The following APLP2 variants were observed in gnomAD, a reference collection of about 807,000 sequenced individuals.
APLP2 encodes amyloid beta precursor like protein 2.
Under a neutral mutation model 89.9 loss-of-function variants are expected in APLP2, and 53 were observed. That is an observed-to-expected ratio of 0.59 (90% CI 0.47 to 0.74). The LOEUF (loss-of-function observed/expected upper bound fraction) is 0.74, where lower values mean the gene tolerates loss of function less well. APLP2 is among the 30% of genes least tolerant of loss of function. APLP2 has a pLI of 0.00. For synonymous variants in APLP2, 372 were observed against 348.6 expected (o/e 1.07, Z -0.75); for missense variants, 973 against 975.9 (o/e 1.00, Z 0.04).
At chr11:130,113,651 G>A (rs997368798) in intron 3 of APLP2, among the ~76,000 whole-genome samples, 5 of 151,990 alleles carry the variant, frequency 3.3e-5, no homozygotes, top group African/African-American at 1.2e-4. Context: ...TGCCCCTTCC[G>A]CTGTCACCTC....
intron 3 of APLP2, among the ~76,000 whole-genome samples, chr11:130,111,673 A>G (rs1332556343): frequency 6.6e-6 from 1 of 152,138 alleles, no homozygotes; most frequent in Non-Finnish European, 1.5e-5. Context: ...GAGGAGCAAG[A>G]GGGGCGTCAT....
chr11:130,091,241 C>G (rs1259016049), intron 1 of APLP2, among the ~76,000 whole-genome samples: 1 of 135,784 alleles, frequency 7.4e-6, no homozygotes, highest in African/African-American at 2.9e-5. Flanking sequence ...ACCTCCCTCC[C>G]GCACGGGGCG....
At position 130,123,546 on chromosome 11, in the gene APLP2, G is replaced by A. The variant is rs959303108; in HGVS notation, c.923-66G>A. 6 of 1,529,548 alleles carry A rather than the reference G, an allele frequency of 3.9e-6. No homozygotes were observed. Among genetic ancestry groups the A allele is most frequent in the Middle Eastern group, 2.3e-4 (1 of 4,392 alleles). 94.7% of individuals were successfully genotyped at this position (1,529,548 alleles called of 1,614,324 possible). On this transcript the variant is annotated intron_variant, in intron 6 of 16. Transcript: ENST00000338167. The surrounding 1 kb of genome is among the most constrained non-coding windows in gnomAD (Gnocchi z 4.0). ...AGCCCATCCCCCAGCTCGCCAGCCTGTAGCATTTTGAAGCATTTGACGTCA... is the reference window on the plus strand; with the variant it reads ...AGCCCATCCCCCAGCTCGCCAGCCTATAGCATTTTGAAGCATTTGACGTCA...
Position 130,094,754 on chromosome 11 carries a change from G to C in APLP2, c.106-14675G>C, listed in dbSNP as rs527785275. Among the ~76,000 whole-genome samples, 7 of 152,314 alleles carry C rather than the reference G, an allele frequency of 4.6e-5. No individual in the cohort carries two copies. The East Asian group carries it at 1.3e-3, about 29-fold the overall frequency. ...GGAGCACTGTGAGCCACTAAAACAG[G>C]AAGTTGAGAAAGAGGGAAGTACTGA... On this transcript the variant is annotated intron_variant, in intron 1 of 16. Coordinates refer to ENST00000338167, the MANE Select transcript of APLP2 (RefSeq NM_001142276.2).
chr11:130,095,958 G>A, intron 1 of APLP2, among the ~76,000 whole-genome samples: 1 of 151,092 alleles, frequency 6.6e-6, no homozygotes, highest in East Asian at 1.9e-4. Flanking sequence ...CCTTGACGAA[G>A]TCACATTCTA....
chr11:130,078,623 T>G (rs1942564170), intron 1 of APLP2, among the ~76,000 whole-genome samples: 1 of 152,158 alleles, frequency 6.6e-6, no homozygotes, highest in African/African-American at 2.4e-5. Context: ...GAGCTATAAT[T>G]TATCTGGATT....
At position 130,118,232 on chromosome 11, in the gene APLP2, A is replaced by G. The variant is rs911528534; in HGVS notation, c.404-2474A>G. On this transcript the variant is annotated intron_variant, in intron 3 of 16. Coordinates refer to ENST00000338167, the MANE Select transcript of APLP2 (RefSeq NM_001142276.2). ...CTGTTGCTTAAATATACATTGCTTT[A>G]TGAGTATGGTTGAATAGTTCGTATA... is the stretch of plus-strand genomic sequence containing the variant. Among the ~76,000 whole-genome samples, 32 of 152,226 alleles carry G rather than the reference A, an allele frequency of 2.1e-4. 1 individual carries two copies. Among genetic ancestry groups the G allele is most frequent in the Admixed American group, 1.7e-3 (26 of 15,290 alleles).
chr11:130,093,147 TGACTGAAG>T (rs1945665888), intron 1 of APLP2, among the ~76,000 whole-genome samples: 1 of 152,216 alleles, frequency 6.6e-6, no homozygotes, highest in South Asian at 2.1e-4. Flanking sequence ...GGCAGAGAAC[TGACTGAAG>T]GATTCCTCCC....
intron 11 of APLP2, 25 bp from the exon 12 acceptor site, chr11:130,133,604 C>G (rs1246304838): frequency 4.4e-6 from 7 of 1,583,196 alleles, no homozygotes; most frequent in Non-Finnish European, 6.1e-6. Context: ...GTCACAACAC[C>G]TCTCCACCAT....
intron 3 of APLP2, among the ~76,000 whole-genome samples, chr11:130,119,647 G>A (rs903047002): frequency 6.6e-6 from 1 of 152,204 alleles, no homozygotes; most frequent in African/African-American, 2.4e-5. Context: ...TTTAGAAAAT[G>A]TAATAGTGAA....
intron 1 of APLP2, among the ~76,000 whole-genome samples, chr11:130,107,853 G>A (rs1020081466): frequency 2.0e-5 from 3 of 152,174 alleles, no homozygotes; most frequent in Non-Finnish European, 2.9e-5. Context: ...CATGGTACTG[G>A]TACCAAAGCA....
chr11:130,115,452 C>G (rs1187157200), intron 3 of APLP2, among the ~76,000 whole-genome samples: 1 of 151,728 alleles, frequency 6.6e-6, no homozygotes, highest in African/African-American at 2.4e-5. Context: ...TGCCATAGCA[C>G]TGCTGGAGAG....
At position 130,141,951 on chromosome 11, in the gene APLP2, T is replaced by G. The variant is rs939681755; in HGVS notation, c.2031T>G (p.Ser677Arg). 3 of 1,611,720 alleles carry G rather than the reference T, an allele frequency of 1.9e-6. No homozygotes were observed. Among genetic ancestry groups the G allele is most frequent in the South Asian group, 1.1e-5 (1 of 90,910 alleles). The change falls in exon 16 of 17, where the codon AGT becomes AGG. Residue 677 changes from serine (S) to arginine (R), a missense_variant. Coordinates refer to ENST00000338167, the MANE Select transcript of APLP2 (RefSeq NM_001142276.2). The surrounding 1 kb of genome is among the most constrained non-coding windows in gnomAD (Gnocchi z 4.2). The stretch of plus-strand genomic sequence containing the variant: ...TGGGCCCACTGCGGGAGGACTTCAG[T>G]CTGAGTAGCAGTGCTCTCATTGGCC... Reference protein sequence around the residue: ...ESVGPLREDFSLSSSALIGLL... With the variant: ...ESVGPLREDFRLSSSALIGLL...
chr11:130,143,586 A>G lies in APLP2; in HGVS notation c.*138A>G, dbSNP rs1225735064. 1 of 674,158 alleles carries G rather than the reference A, an allele frequency of 1.5e-6. No homozygotes were observed. Among genetic ancestry groups the G allele is most frequent in the African/African-American group, 1.8e-5 (1 of 55,598 alleles). 41.8% of individuals were successfully genotyped at this position (674,158 alleles called of 1,614,324 possible). The stretch of plus-strand genomic sequence containing the variant: ...GACCTCCTGGACTGTAGGACTATAT[A>G]AAGTACTACTGTAGAACTGCAATTT... On this transcript the variant is annotated 3_prime_UTR_variant, in exon 17 of 17. Coordinates refer to ENST00000338167, the MANE Select transcript of APLP2 (RefSeq NM_001142276.2).
chr11:130,086,798 T>C (rs962839290), intron 1 of APLP2, among the ~76,000 whole-genome samples: 2 of 152,194 alleles, frequency 1.3e-5, no homozygotes, highest in Non-Finnish European at 2.9e-5. Flanking sequence ...GGCAGATCAA[T>C]TGACCAAACA....
intron 1 of APLP2, among the ~76,000 whole-genome samples, chr11:130,086,209 C>T (rs1369401141): frequency 6.6e-6 from 1 of 152,230 alleles, no homozygotes; most frequent in Non-Finnish European, 1.5e-5. Flanking sequence ...CAGTTACTTT[C>T]CTTTTTCAAA....
intron 1 of APLP2, among the ~76,000 whole-genome samples, chr11:130,083,954 T>A (rs1943671659): frequency 6.6e-6 from 1 of 152,182 alleles, no homozygotes; most frequent in Admixed American, 6.5e-5. Flanking sequence ...ATACAGGAGT[T>A]CCGATTTCTC....
At chr11:130,095,111 G>GA (rs67980811) in intron 1 of APLP2, among the ~76,000 whole-genome samples, 1 of 5,944 alleles carries the variant, frequency 1.7e-4, no homozygotes, top group Admixed American at 2.2e-3. Context: ...ATGTTATAAT[G>GA]AGATAGACCA....
chr11:130,116,385 T>A (rs1449775951), intron 3 of APLP2, among the ~76,000 whole-genome samples: 1 of 152,226 alleles, frequency 6.6e-6, no homozygotes, highest in South Asian at 2.1e-4. Flanking sequence ...ATTAATTCCC[T>A]CTCGATGGAC....
Sources: allele counts gnomAD v4.1 joint callset (sites outside exome capture counted in the v4.1 genomes callset), GRCh38; gene constraint gnomAD v4.1.1; non-coding constraint Gnocchi (gnomAD v3.1); transcripts MANE v1.5; gene names NCBI Gene and HGNC (gene_info 2026-07-23, HGNC 2026-07-21).